Variants in ADCY5 observed in about 807,000 individuals in gnomAD.
ADCY5 encodes adenylate cyclase 5, also known as adenylate cyclase type 5.
Under a neutral mutation model 119.7 loss-of-function variants are expected in ADCY5, and 30 were observed. The observed-to-expected ratio is 0.25, with a 90% CI of 0.19 to 0.34. The LOEUF is 0.34. ADCY5 is among the 10% of genes least tolerant of loss of function. The pLI, the probability that ADCY5 is intolerant of heterozygous loss-of-function variation, is 1.00. For missense variants in ADCY5, 1,324 were observed against 1,775.2 expected (o/e 0.75, Z 4.57); for synonymous variants, 753 against 762.2 (o/e 0.99, Z 0.20).
intron 18 of ADCY5, among the ~76,000 whole-genome samples, chr3:123,290,515 T>A (rs1939081335): frequency 6.6e-6 from 1 of 152,206 alleles, no homozygotes; most frequent in African/African-American, 2.4e-5. Context: ...ACTCAGGAGC[T>A]CCCAGGGTCA....
chr3:123,317,919 G>C, intron 11 of ADCY5, 101 bp downstream of exon 11: 2 of 1,108,886 alleles, frequency 1.8e-6, no homozygotes, highest in Non-Finnish European at 2.7e-6. Flanking sequence ...AGCAAGTGCA[G>C]GCCAGACTCC....
chr3:123,379,564 G>A (rs960825818), intron 1 of ADCY5, among the ~76,000 whole-genome samples: 7 of 152,124 alleles, frequency 4.6e-5, no homozygotes, highest in South Asian at 2.1e-4. Flanking sequence ...AGCCACCATC[G>A]CTGCTGTGAA....
chr3:123,380,356 C>T (rs1943991064), intron 1 of ADCY5, among the ~76,000 whole-genome samples: 1 of 152,190 alleles, frequency 6.6e-6, no homozygotes, highest in African/African-American at 2.4e-5. Context: ...GAGTAGCTGG[C>T]GTTTGGAGGC....
intron 1 of ADCY5, among the ~76,000 whole-genome samples, chr3:123,392,051 G>T (rs149988598): frequency 6.6e-6 from 1 of 152,174 alleles, no homozygotes; most frequent in Non-Finnish European, 1.5e-5. Context: ...TGCTCTGGAC[G>T]AGCGCCTCCT....
chr3:123,324,414 A>AC lies in ADCY5; in HGVS notation c.2088+907dup, dbSNP rs1343347500. Among the ~76,000 whole-genome samples, 5 of 15,552 alleles carry AC rather than the reference A, an allele frequency of 3.2e-4. No individual in the cohort carries two copies. The African/African-American group carries it at 4.3e-3, about 13-fold the overall frequency. The allele number at this position is 15,552 out of a possible 152,430, so 10.2% of individuals were successfully genotyped here. On this transcript the variant is annotated intron_variant, in intron 8 of 20. Coordinates refer to ENST00000462833, the MANE Select transcript of ADCY5 (RefSeq NM_183357.3). ...GTGGCCACACAGAAACCACACACAC[A>AC]CACACACACACACACACACACACAC...
At chr3:123,344,700 A>AC (rs1250257819) in intron 3 of ADCY5, among the ~76,000 whole-genome samples, 1 of 151,884 alleles carries the variant, frequency 6.6e-6, no homozygotes, top group Non-Finnish European at 1.5e-5. Flanking sequence ...CTATGATGTC[A>AC]CCCCCCATCT....
rs200673681 is a variant in ADCY5, at chr3:123,303,105, C to T, written c.2674G>A (p.Asp892Asn). Residue 892 changes from aspartate (D) to asparagine (N), a missense_variant, in exon 14 of 21, where the codon GAT (aspartate) becomes AAT (asparagine). By Grantham distance (23) the Asp-to-Asn change is conservative (BLOSUM62 1). This residue lies in a region of ADCY5 where 424 missense variants were observed against 546.8 expected (regional missense o/e 0.78). Coordinates refer to ENST00000462833, the MANE Select transcript of ADCY5 (RefSeq NM_183357.3). ...GGGCTGCCACAGAAGCCCTGCTCATCGCCCAGGCTGTAGTTGACGGCCGAC... is the reference window on the plus strand; with the variant it reads ...GGGCTGCCACAGAAGCCCTGCTCATTGCCCAGGCTGTAGTTGACGGCCGAC... ...AESAVNYSLGDEQGFCGSPWP... is the reference protein window; with the variant it reads ...AESAVNYSLGNEQGFCGSPWP... 8.0e-5 allele frequency: 129 copies of T among 1,613,732 alleles called. 1 individual carries two copies. The highest frequency in any genetic ancestry group is 1.1e-4 in the South Asian group (10 of 91,086).
intron 8 of ADCY5, among the ~76,000 whole-genome samples, chr3:123,324,250 G>A (rs1941360560): frequency 1.3e-5 from 2 of 152,090 alleles, no homozygotes; most frequent in South Asian, 4.2e-4. Flanking sequence ...CCCTTCTCCA[G>A]GCTCCTGGCT....
Position 123,382,783 on chromosome 3 carries a change from G to C in ADCY5, c.1135-30202C>G, listed in dbSNP as rs6783913. On this transcript the variant is annotated intron_variant, in intron 1 of 20. Transcript: ENST00000462833. The stretch of plus-strand genomic sequence containing the variant: ...GAAGGAATGGAGTTGGTGTTTAATG[G>C]GTAGAGTTTCTGTTTGGAATGATGA... Among the ~76,000 whole-genome samples, 1,114 of 152,292 alleles carry C rather than the reference G, an allele frequency of 7.3e-3. 12 individuals carry two copies. The highest frequency in any genetic ancestry group is 0.026 in the African/African-American group (1,070 of 41,544).
chr3:123,308,795 C>G (rs1940374091), intron 12 of ADCY5, among the ~76,000 whole-genome samples: 1 of 152,154 alleles, frequency 6.6e-6, no homozygotes, highest in African/African-American at 2.4e-5. Flanking sequence ...TGCCACTGCA[C>G]TCCAGCCTGG....
At chr3:123,364,935 CTTTT>C (rs376085783) in intron 1 of ADCY5, among the ~76,000 whole-genome samples, 1 of 137,142 alleles carries the variant, frequency 7.3e-6, no homozygotes, top group Non-Finnish European at 1.6e-5. Context: ...GTGTTTTTCA[CTTTT>C]TTTTTTTTTT....
intron 12 of ADCY5, among the ~76,000 whole-genome samples, chr3:123,311,559 T>C (rs1215208334): frequency 1.3e-5 from 2 of 152,174 alleles, no homozygotes; most frequent in Non-Finnish European, 2.9e-5. Flanking sequence ...ACTTCTCAAA[T>C]TGGGCTCTGT....
intron 3 of ADCY5, among the ~76,000 whole-genome samples, chr3:123,334,284 CAG>C (rs1449791478): frequency 6.6e-6 from 1 of 152,160 alleles, no homozygotes; most frequent in Non-Finnish European, 1.5e-5. Flanking sequence ...TCAGAGCAGC[CAG>C]AGACAGCGGC....
intron 1 of ADCY5, among the ~76,000 whole-genome samples, chr3:123,396,513 AAGAAAG>A (rs1376187973): frequency 3.3e-5 from 4 of 121,938 alleles, no homozygotes; most frequent in South Asian, 2.8e-4. Flanking sequence ...AAGAGAAAGA[AAGAAAG>A]AGAGAGAGAA....
At chr3:123,328,274 T>C (rs1447857128) in intron 6 of ADCY5, among the ~76,000 whole-genome samples, 1 of 149,910 alleles carries the variant, frequency 6.7e-6, no homozygotes, top group Admixed American at 6.6e-5. Context: ...CCACCCCACC[T>C]TCCTCACCCC....
At chr3:123,375,424 C>A (rs1406782633) in intron 1 of ADCY5, among the ~76,000 whole-genome samples, 1 of 152,270 alleles carries the variant, frequency 6.6e-6, no homozygotes, top group Non-Finnish European at 1.5e-5. Flanking sequence ...TTCCTGAAGA[C>A]TCTGGGACCC....
intron 3 of ADCY5, among the ~76,000 whole-genome samples, chr3:123,337,488 C>T (rs763080888): frequency 6.6e-6 from 1 of 152,214 alleles, no homozygotes; most frequent in Non-Finnish European, 1.5e-5. Flanking sequence ...ATCAAGGAGT[C>T]GGTAGGGCCC....
intron 2 of ADCY5, among the ~76,000 whole-genome samples, chr3:123,350,775 C>T (rs961630364): frequency 1.3e-5 from 2 of 152,226 alleles, no homozygotes; most frequent in African/African-American, 4.8e-5. Flanking sequence ...TGGTGGAATG[C>T]CCAGACTGGC....
At chr3:123,411,725 T>C (rs965575793) in intron 1 of ADCY5, among the ~76,000 whole-genome samples, 1 of 152,202 alleles carries the variant, frequency 6.6e-6, no homozygotes, top group Non-Finnish European at 1.5e-5. Context: ...CCTCACAGCC[T>C]GGTGACCAGG....
Sources: allele counts gnomAD v4.1 joint callset (sites outside exome capture counted in the v4.1 genomes callset), GRCh38; gene constraint gnomAD v4.1.1; regional missense constraint gnomAD v4.1.1; transcripts MANE v1.5; gene names NCBI Gene and HGNC (gene_info 2026-07-23, HGNC 2026-07-21).